Variants in ASAP1 observed in about 807,000 individuals in gnomAD.
ASAP1 encodes the protein ArfGAP with SH3 domain, ankyrin repeat and PH domain 1, also known as arf-GAP with SH3 domain, ANK repeat and PH domain-containing protein 1.
In ASAP1, 43 loss-of-function variants were observed where a neutral mutation model predicts 145.2. That is an observed-to-expected ratio of 0.30 (90% confidence interval 0.23 to 0.38). The LOEUF is 0.38. ASAP1 is among the 10% of genes least tolerant of loss of function. The probability of loss-of-function intolerance (pLI) is 1.00; values close to 1 mark genes in which losing one functional copy is unlikely to be tolerated. For missense variants in ASAP1, 1,018 were observed against 1,355.3 expected, an observed-to-expected ratio of 0.75 and a Z score of 3.91; for synonymous variants, 546 against 515.5, an observed-to-expected ratio of 1.06 and a Z score of -0.80.
At chr8:130,217,001 T>G (rs1816968564) in intron 4 of ASAP1, among the ~76,000 whole-genome samples, 1 of 152,240 alleles carries the variant, frequency 6.6e-6, no homozygotes, top group African/African-American at 2.4e-5. Flanking sequence ...TGGCAGACAT[T>G]ACCACTTGCC....
At chr8:130,391,483 A>AT (rs767005151) in intron 2 of ASAP1, among the ~76,000 whole-genome samples, 6 of 152,216 alleles carry the variant, frequency 3.9e-5, no homozygotes, top group Non-Finnish European at 4.4e-5. Flanking sequence ...TAAAATAAAG[A>AT]TTTTTTAAAA....
intron 3 of ASAP1, among the ~76,000 whole-genome samples, chr8:130,255,287 A>G (rs1819440777): frequency 6.6e-6 from 1 of 152,166 alleles, no homozygotes; most frequent in South Asian, 2.1e-4. Context: ...CAAACTAAAG[A>G]CAAAAAGCTT....
chr8:130,438,296 GGCCACC>G (rs1830384509), intron 1 of ASAP1, among the ~76,000 whole-genome samples: 1 of 152,112 alleles, frequency 6.6e-6, no homozygotes, highest in South Asian at 2.1e-4. Flanking sequence ...CAGAAGATGG[GGCCACC>G]AGTGCGCCAG....
chr8:130,401,978 GGGGGC>G lies in ASAP1; in HGVS notation c.-27-13_-27-9del. 1 of 1,596,500 alleles carries G rather than the reference GGGGGC, an allele frequency of 6.3e-7. No individual in the cohort carries two copies. Among genetic ancestry groups the G allele is most frequent in the Non-Finnish European group, 8.6e-7 (1 of 1,167,324 alleles). On this transcript the variant is annotated splice_polypyrimidine_tract_variant and intron_variant, in intron 1 of 29. Transcript: ENST00000518721. ...GTCACATCAGAAAACGACCTGGATAGGGGGCAGGACAAAAAGGGGACAAGAGTCAT... is the reference window on the plus strand; with the variant it reads ...GTCACATCAGAAAACGACCTGGATAGAGGACAAAAAGGGGACAAGAGTCAT...
chr8:130,373,199 T>C (rs1480093743), intron 2 of ASAP1, among the ~76,000 whole-genome samples: 4 of 150,078 alleles, frequency 2.7e-5, no homozygotes, highest in South Asian at 4.2e-4. Flanking sequence ...AAAAAAACCA[T>C]GTAAATCTCT....
Position 130,160,875 on chromosome 8 carries a change from C to T in ASAP1, c.910-911G>A, listed in dbSNP as rs2097667743. On this transcript the variant is annotated intron_variant, in intron 11 of 29. Transcript: ENST00000518721. ...AGTTAATTTCATTGAAAATGTTATC[C>T]ATAATTTAAGCATTTTATATAATGT... is the stretch of plus-strand genomic sequence containing the variant. The T allele has an allele frequency of 4.6e-6, 5 of 1,092,706 alleles. No homozygotes were observed. In the African/African-American group the frequency reaches 6.6e-5, roughly 14 times the overall value. 67.7% of individuals were successfully genotyped at this position (1,092,706 alleles called of 1,614,324 possible). A position where few individuals can be genotyped will look rare whatever the true frequency, so the allele number is the denominator to read the frequency against.
intron 2 of ASAP1, among the ~76,000 whole-genome samples, chr8:130,368,732 A>C (rs975856415): frequency 6.6e-6 from 1 of 152,206 alleles, no homozygotes; most frequent in Non-Finnish European, 1.5e-5. Context: ...CACATCAGAG[A>C]GCTGGCCTAA....
At chr8:130,404,526 T>G (rs949093995) in intron 1 of ASAP1, among the ~76,000 whole-genome samples, 2 of 152,228 alleles carry the variant, frequency 1.3e-5, no homozygotes, top group African/African-American at 2.4e-5. Flanking sequence ...CACACGCTTA[T>G]GAAAAATAAG....
At chr8:130,292,969 T>C (rs1565178964) in intron 3 of ASAP1, among the ~76,000 whole-genome samples, 1 of 152,216 alleles carries the variant, frequency 6.6e-6, no homozygotes, top group Non-Finnish European at 1.5e-5. Flanking sequence ...GCCACCTTTA[T>C]TCAGTTAGCA....
At chr8:130,223,357 G>A (rs959241323) in intron 4 of ASAP1, among the ~76,000 whole-genome samples, 1 of 152,084 alleles carries the variant, frequency 6.6e-6, no homozygotes, top group Non-Finnish European at 1.5e-5. Flanking sequence ...AACTTATGTG[G>A]GCCTCAACTT....
chr8:130,350,209 C>T (rs1397106514), intron 3 of ASAP1, among the ~76,000 whole-genome samples: 1 of 152,232 alleles, frequency 6.6e-6, no homozygotes, highest in Non-Finnish European at 1.5e-5. Flanking sequence ...TCCACTCTTT[C>T]CACCTAGAAG....
At chr8:130,092,392 T>A (rs1204241723) in intron 24 of ASAP1, among the ~76,000 whole-genome samples, 2 of 151,816 alleles carry the variant, frequency 1.3e-5, no homozygotes, top group East Asian at 3.9e-4. Context: ...TGTAGAAAGC[T>A]GAGGTGGGAG....
At chr8:130,165,237 C>G (rs889098050) in intron 11 of ASAP1, among the ~76,000 whole-genome samples, 5 of 152,136 alleles carry the variant, frequency 3.3e-5, no homozygotes, top group Non-Finnish European at 7.3e-5. Context: ...TAACAGTCCT[C>G]CTCTTTATTT....
rs780617161 is a variant in ASAP1, at chr8:130,115,707, T to C, written c.2093A>G (p.Asn698Ser). The C allele has an allele frequency of 8.1e-6, 13 of 1,614,040 alleles. No individual in the cohort carries two copies. Among genetic ancestry groups the C allele is most frequent in the Non-Finnish European group, 3.4e-6 (4 of 1,179,998 alleles). ...LLSQAKSGKF[N>S]PHVHVEYEWN... ...CTCATATTCTACGTGGACGTGTGGA[T>C]TGAACTTTCCAGATTTAGCCTGGGA... Residue 698 changes from asparagine to serine, a missense_variant, in exon 23 of 30, where the codon AAT (asparagine) becomes AGT (serine). Around this residue, in one of 9 missense-constraint regions of ASAP1, gnomAD observed 353 missense variants for 375.4 expected, o/e 0.94. Transcript: ENST00000518721.
At chr8:130,059,490 T>A (rs1266026783) in intron 28 of ASAP1, among the ~76,000 whole-genome samples, 1 of 151,886 alleles carries the variant, frequency 6.6e-6, no homozygotes, top group African/African-American at 2.4e-5. Context: ...TGAGACAGGG[T>A]CTTGCTCTGT....
At chr8:130,175,606 T>C (rs1009036904) in intron 9 of ASAP1, among the ~76,000 whole-genome samples, 2 of 152,162 alleles carry the variant, frequency 1.3e-5, no homozygotes, top group Non-Finnish European at 2.9e-5. Context: ...TCCTATTCTG[T>C]GGGTTGTCTT....
At chr8:130,185,729 C>CAAAAAAAAAAAAAAAAAAAAAAAAAAA (rs778486303) in intron 7 of ASAP1, among the ~76,000 whole-genome samples, 1 of 57,112 alleles carries the variant, frequency 1.8e-5, no homozygotes, top group Non-Finnish European at 3.7e-5. Flanking sequence ...AACTCCGCCT[C>CAAAAAAAAAAAAAAAAAAAAAAAAAAA]AAAAAAAAAA....
At chr8:130,225,238 G>A (rs1334061754) in intron 4 of ASAP1, among the ~76,000 whole-genome samples, 1 of 152,056 alleles carries the variant, frequency 6.6e-6, no homozygotes, top group Non-Finnish European at 1.5e-5. Flanking sequence ...CTTGTTAGTG[G>A]TGTCCTTTGC....
At chr8:130,124,437 T>C (rs968970217) in intron 17 of ASAP1, among the ~76,000 whole-genome samples, 2 of 152,230 alleles carry the variant, frequency 1.3e-5, no homozygotes, top group African/African-American at 4.8e-5. Flanking sequence ...ATATAAACTA[T>C]ATGAGATTAC....
Sources: gnomAD v4.1 joint callset for allele counts (sites outside exome capture counted in the v4.1 genomes callset) on GRCh38, gnomAD v4.1.1 for gene constraint, gnomAD v4.1.1 regional missense constraint, MANE v1.5 for transcripts, NCBI Gene and HGNC (gene_info 2026-07-23, HGNC 2026-07-21) for gene names.